WIPF3: variants seen among roughly 807,000 people sequenced by gnomAD.
The protein encoded by WIPF3 is WAS/WASL interacting protein family member 3.
A neutral mutation model predicts 38.9 loss-of-function variants in WIPF3; 33 were observed. That is an observed-to-expected ratio of 0.85 (90% CI 0.64 to 1.14). WIPF3 has a LOEUF of 1.14. Among genes scored for constraint, WIPF3 ranks in the 50% most tolerant of loss-of-function variants. The pLI is 0.00. For synonymous variants in WIPF3, 324 were observed against 269.3 expected, an observed-to-expected ratio of 1.20 and a Z score of -1.99; for missense variants, 711 against 652.5, an observed-to-expected ratio of 1.09 and a Z score of -0.98.
chr7:29,889,254 C>T (rs1029007502), intron 6 of WIPF3, 52 bp from the exon 7 acceptor site: 7 of 1,472,102 alleles, frequency 4.8e-6, no homozygotes, highest in Middle Eastern at 3.4e-4. Context: ...ATGATCAAAA[C>T]TTGGATCATG....
In WIPF3 at chr7:29,851,019, T is replaced by C. The variant is rs373769881; in HGVS notation, c.90+16205T>C. Among the ~76,000 whole-genome samples the C allele has an allele frequency of 1.1e-3, 162 of 152,324 alleles. 2 individuals carry two copies. In the South Asian group the frequency reaches 0.027, roughly 26 times the overall value. ...CTGGAACATACTAAGTGTTCAGTTA[T>C]ATCAGTGGCAGTCCCCTCTCCCCCA... On this transcript the variant is annotated intron_variant, in intron 2 of 8. Coordinates refer to ENST00000242140, the MANE Select transcript of WIPF3 (RefSeq NM_001080529.3).
In WIPF3 at chr7:29,884,206, C is replaced by CT; in HGVS notation, c.712_713insT (p.Pro238LeufsTer7). The CT allele has an allele frequency of 6.6e-7, 1 of 1,523,430 alleles. No individual in the cohort carries two copies. Among genetic ancestry groups the CT allele is most frequent in the Non-Finnish European group, 8.8e-7 (1 of 1,132,538 alleles). 94.4% of individuals were successfully genotyped at this position (1,523,430 alleles called of 1,614,324 possible). On this transcript the variant is annotated frameshift_variant, in exon 5 of 9. Coordinates refer to ENST00000242140, the MANE Select transcript of WIPF3 (RefSeq NM_001080529.3). LOFTEE classifies it high-confidence loss of function. ...ACCTCCCCCAACGCCACCCCCGCTG[C>CT]CCCCGGCCTCGGTTCTTAGTGACAA...
At chr7:29,904,007 TGAGC>T (rs1562791252) in intron 7 of WIPF3, among the ~76,000 whole-genome samples, 2 of 152,182 alleles carry the variant, frequency 1.3e-5, no homozygotes, top group African/African-American at 4.8e-5. Flanking sequence ...GGATAATGGA[TGAGC>T]ATCCCTGGAG....
chr7:29,827,018 A>T (rs1784625850), intron 1 of WIPF3, among the ~76,000 whole-genome samples: 1 of 152,172 alleles, frequency 6.6e-6, no homozygotes, highest in African/African-American at 2.4e-5. Context: ...CATGGTGCTT[A>T]AAAAAGGGCT....
intron 1 of WIPF3, 47 bp from the exon 2 acceptor site, chr7:29,834,621 T>G: frequency 2.9e-6 from 4 of 1,384,160 alleles, no homozygotes; most frequent in Non-Finnish European, 3.8e-6. Flanking sequence ...TTCCTGCATG[T>G]AAGTAAAGAA....
rs1784566409 is a variant in WIPF3, at chr7:29,823,140, G to A, written c.-57-11528G>A. On this transcript the variant is annotated intron_variant, in intron 1 of 8. Coordinates refer to ENST00000242140, the MANE Select transcript of WIPF3 (RefSeq NM_001080529.3). The surrounding 1 kb of genome is among the most constrained non-coding windows in gnomAD (Gnocchi z 4.0). ...CTACCTTTTTCTTGAACAAATAGAT[G>A]GGAATTACAGCCAGAACTAGAAACC... Among the ~76,000 whole-genome samples the A allele has an allele frequency of 6.6e-6, 1 of 152,178 alleles. No homozygotes were observed. The highest frequency in any genetic ancestry group is 2.4e-5 in the African/African-American group (1 of 41,450).
chr7:29,884,266 C>A lies in WIPF3; in HGVS notation c.772C>A (p.Pro258Thr). 3.3e-6 allele frequency: 3 copies of A among 910,844 alleles called. No individual in the cohort carries two copies. Among genetic ancestry groups the A allele is most frequent in the South Asian group, 1.4e-5 (1 of 71,306 alleles). The allele number at this position is 910,844 out of a possible 1,614,324, so 56.4% of individuals were successfully genotyped here. Residue 258 changes from proline (P) to threonine (T), a missense_variant, in exon 5 of 9, where the codon CCG (proline) becomes ACG (threonine). Transcript: ENST00000242140. Reference sequence around the variant, plus strand: ...GCCTCAGCTGGCTCCCTTGCACCTCCCGCCCATCCCGCCCCCGCTCCCTCT... The same window carrying A: ...GCCTCAGCTGGCTCCCTTGCACCTCACGCCCATCCCGCCCCCGCTCCCTCT... Reference protein sequence around the residue: ...VKPQLAPLHLPPIPPPLPLLP... With the variant: ...VKPQLAPLHLTPIPPPLPLLP...
At chr7:29,861,127 G>C (rs78950435) in intron 2 of WIPF3, among the ~76,000 whole-genome samples, 2 of 152,092 alleles carry the variant, frequency 1.3e-5, no homozygotes, top group Admixed American at 1.3e-4. Context: ...GTAGATTCTA[G>C]GTGTTTCAGC....
chr7:29,878,926 A>C lies in WIPF3; in HGVS notation c.224-83A>C. On this transcript the variant is annotated intron_variant, in intron 3 of 8. Transcript: ENST00000242140. The surrounding 1 kb of genome is among the most constrained non-coding windows in gnomAD (Gnocchi z 4.0). ...AGGCTGACAAGGGCAGTGGTAGACC[A>C]GTGTTAGACCATGGTCTGAAATGAG... The C allele has an allele frequency of 2.0e-6, 3 of 1,469,104 alleles. No homozygotes were observed. Among genetic ancestry groups the C allele is most frequent in the Non-Finnish European group, 2.8e-6 (3 of 1,082,660 alleles). 91.0% of individuals were successfully genotyped at this position (1,469,104 alleles called of 1,614,324 possible). A position where few individuals can be genotyped will look rare whatever the true frequency, so the allele number is the denominator to read the frequency against.
chr7:29,856,319 T>G (rs1159758524), intron 2 of WIPF3, among the ~76,000 whole-genome samples: 1 of 152,174 alleles, frequency 6.6e-6, no homozygotes, highest in Non-Finnish European at 1.5e-5. Flanking sequence ...CTTCTTACTT[T>G]AAAATTCTGA....
intron 3 of WIPF3, 25 bp downstream of exon 3, chr7:29,875,987 T>C (rs1424169206): frequency 1.2e-6 from 2 of 1,610,146 alleles, no homozygotes; most frequent in Non-Finnish European, 1.7e-6. Context: ...GGGCCAGGCC[T>C]CCTGTGAGCC....
intron 7 of WIPF3, among the ~76,000 whole-genome samples, chr7:29,895,967 G>T (rs1481772230): frequency 6.6e-6 from 1 of 152,120 alleles, no homozygotes; most frequent in Admixed American, 6.5e-5. Context: ...GAAACGAAAG[G>T]CCACATGTTG....
intron 2 of WIPF3, among the ~76,000 whole-genome samples, chr7:29,843,501 G>A (rs961728198): frequency 6.6e-6 from 1 of 152,298 alleles, no homozygotes; most frequent in Non-Finnish European, 1.5e-5. Context: ...AAGGTGACAG[G>A]GGGTACAATG....
At chr7:29,904,091 C>G (rs1309293591) in intron 7 of WIPF3, among the ~76,000 whole-genome samples, 195 bp from the exon 8 acceptor site, 3 of 152,176 alleles carry the variant, frequency 2.0e-5, no homozygotes, top group Non-Finnish European at 4.4e-5. Context: ...GTTCTCTTCT[C>G]AGAGTATTAG....
chr7:29,881,229 G>A (rs947945714), intron 4 of WIPF3, among the ~76,000 whole-genome samples: 2 of 151,914 alleles, frequency 1.3e-5, no homozygotes, highest in African/African-American at 2.4e-5. Flanking sequence ...TGTATTACTC[G>A]GCACCACCTG....
intron 2 of WIPF3, among the ~76,000 whole-genome samples, chr7:29,851,404 T>C (rs1319341817): frequency 6.6e-6 from 1 of 152,118 alleles, no homozygotes; most frequent in East Asian, 1.9e-4. Context: ...TTTGACCGAA[T>C]CTTTTCAATG....
intron 2 of WIPF3, among the ~76,000 whole-genome samples, chr7:29,842,895 T>G (rs1026741216): frequency 6.6e-6 from 1 of 152,210 alleles, no homozygotes; most frequent in Non-Finnish European, 1.5e-5. Flanking sequence ...TCTTACACAC[T>G]GTCACTCACT....
intron 2 of WIPF3, among the ~76,000 whole-genome samples, chr7:29,859,103 G>A (rs563371785): frequency 6.6e-6 from 1 of 152,236 alleles, no homozygotes; most frequent in Admixed American, 6.5e-5. Context: ...CTGTTTTTGG[G>A]GAAATATCTT....
chr7:29,873,048 G>A (rs761249919), intron 2 of WIPF3, among the ~76,000 whole-genome samples: 1 of 152,206 alleles, frequency 6.6e-6, no homozygotes, highest in Middle Eastern at 3.4e-3. Flanking sequence ...AACTTATTGA[G>A]GCATGTCCAA....
Sources: gnomAD v4.1 joint callset for allele counts (sites outside exome capture counted in the v4.1 genomes callset) on GRCh38, gnomAD v4.1.1 for gene constraint, Gnocchi (gnomAD v3.1) non-coding constraint, MANE v1.5 for transcripts, NCBI Gene and HGNC (gene_info 2026-07-23, HGNC 2026-07-21) for gene names.